Variants in EFCAB6 observed in about 807,000 individuals in gnomAD.
The protein encoded by EFCAB6 is EF-hand calcium-binding domain-containing protein 6.
A neutral mutation model predicts 169.8 loss-of-function variants in EFCAB6; 156 were observed. That is an observed-to-expected ratio of 0.92 (90% CI 0.81 to 1.05). The LOEUF (loss-of-function observed/expected upper bound fraction) is 1.05. Ranked by LOEUF, EFCAB6 falls within the 50% of genes least tolerant of loss-of-function variation. EFCAB6 has a pLI of 0.00. For synonymous variants in EFCAB6, 698 were observed against 676.4 expected (o/e 1.03, Z -0.50); for missense variants, 1,800 against 1,829.1 (o/e 0.98, Z 0.29).
At chr22:43,727,448 A>C (rs755903013) in intron 8 of EFCAB6, among the ~76,000 whole-genome samples, 1 of 152,206 alleles carries the variant, frequency 6.6e-6, no homozygotes, top group Non-Finnish European at 1.5e-5. Context: ...AAAAATTTTT[A>C]AGCATTTAAA....
At chr22:43,643,154 C>A (rs1374929787) in intron 17 of EFCAB6, among the ~76,000 whole-genome samples, 2 of 152,322 alleles carry the variant, frequency 1.3e-5, no homozygotes, top group African/African-American at 2.4e-5. Flanking sequence ...GGGGCCGCCC[C>A]AGGACTGAAT....
intron 8 of EFCAB6, among the ~76,000 whole-genome samples, chr22:43,724,313 A>T (rs1389349192): frequency 2.0e-5 from 3 of 150,636 alleles, no homozygotes; most frequent in Admixed American, 1.3e-4. Context: ...CCTCATTTCC[A>T]TCTCAGACCT....
chr22:43,578,089 C>T (rs896409289), intron 25 of EFCAB6, among the ~76,000 whole-genome samples: 18 of 152,094 alleles, frequency 1.2e-4, no homozygotes, highest in Admixed American at 9.2e-4. Flanking sequence ...TTCAAACCAC[C>T]TGGATTTGGA....
At chr22:43,540,567 T>C (rs2047655015) in intron 27 of EFCAB6, 1 of 1,509,844 alleles carries the variant, frequency 6.6e-7, no homozygotes, top group Non-Finnish European at 8.8e-7. Flanking sequence ...GACAAGAGGA[T>C]TATTCATGGC....
At chr22:43,747,931 T>C (rs558989523) in intron 6 of EFCAB6, among the ~76,000 whole-genome samples, 3 of 152,344 alleles carry the variant, frequency 2.0e-5, no homozygotes, top group Admixed American at 6.5e-5. Flanking sequence ...CTAGGTGATA[T>C]ACCGCCCAAT....
intron 19 of EFCAB6, among the ~76,000 whole-genome samples, chr22:43,631,012 A>G (rs1220455535): frequency 6.6e-6 from 1 of 152,036 alleles, no homozygotes; most frequent in Non-Finnish European, 1.5e-5. Flanking sequence ...GGCATGTGGA[A>G]ACGGGAGCCT....
chr22:43,722,611 T>C (rs2059576512), intron 8 of EFCAB6, among the ~76,000 whole-genome samples: 1 of 151,728 alleles, frequency 6.6e-6, no homozygotes, highest in African/African-American at 2.4e-5. Flanking sequence ...TTGGTGGGAA[T>C]GTAAATCAGT....
intron 12 of EFCAB6, among the ~76,000 whole-genome samples, chr22:43,681,615 AAT>A (rs2058009708): frequency 2.0e-5 from 3 of 152,180 alleles, no homozygotes. Context: ...GATTTTTTAA[AAT>A]GTTATTAGAA....
chr22:43,644,377 C>G (rs1309578140), intron 17 of EFCAB6, among the ~76,000 whole-genome samples: 2 of 152,062 alleles, frequency 1.3e-5, no homozygotes, highest in African/African-American at 2.4e-5. Flanking sequence ...GCTCTGCAGC[C>G]CTTTCGAGCT....
intron 13 of EFCAB6, 73 bp from the exon 14 acceptor site, chr22:43,672,378 A>T (rs2057531992): frequency 6.6e-7 from 1 of 1,516,202 alleles, no homozygotes; most frequent in African/African-American, 1.4e-5. Context: ...AGGCAGGTGG[A>T]CCTGGACTGG....
intron 27 of EFCAB6, among the ~76,000 whole-genome samples, chr22:43,547,244 G>A (rs1411217889): frequency 1.3e-5 from 2 of 152,104 alleles, no homozygotes; most frequent in African/African-American, 2.4e-5. Flanking sequence ...CAGTAGGGCC[G>A]GGAAAGCTGC....
At chr22:43,609,613 T>C (rs992006120) in intron 21 of EFCAB6, among the ~76,000 whole-genome samples, 9 of 152,196 alleles carry the variant, frequency 5.9e-5, no homozygotes, top group Non-Finnish European at 8.8e-5. Flanking sequence ...ACATCCTTTA[T>C]ACAGAAAAGT....
intron 20 of EFCAB6, among the ~76,000 whole-genome samples, chr22:43,624,934 G>T (rs1050218244): frequency 1.3e-5 from 2 of 152,174 alleles, no homozygotes; most frequent in Non-Finnish European, 2.9e-5. Flanking sequence ...TTTCTCCAGA[G>T]AATTTTTTGG....
chr22:43,561,366 A>AAAAG (rs1050374880), intron 26 of EFCAB6, among the ~76,000 whole-genome samples: 30 of 151,878 alleles, frequency 2.0e-4, no homozygotes, highest in Middle Eastern at 3.4e-3. Context: ...CAAAAAAAAA[A>AAAAG]AAAGAAAGAA....
At chr22:43,736,224 ATC>A (rs2147675049) in intron 6 of EFCAB6, among the ~76,000 whole-genome samples, 1 of 152,312 alleles carries the variant, frequency 6.6e-6, no homozygotes, top group Admixed American at 6.5e-5. Flanking sequence ...TTTAAAAAAA[ATC>A]TCTTTCTCAT....
At chr22:43,604,834 C>T (rs2052794735) in intron 22 of EFCAB6, among the ~76,000 whole-genome samples, 1 of 152,148 alleles carries the variant, frequency 6.6e-6, no homozygotes, top group South Asian at 2.1e-4. Flanking sequence ...CATTAATTAT[C>T]TTGCAAACTT....
intron 30 of EFCAB6, among the ~76,000 whole-genome samples, chr22:43,532,377 A>T (rs996274768): frequency 6.6e-6 from 1 of 152,138 alleles, no homozygotes; most frequent in Non-Finnish European, 1.5e-5. Flanking sequence ...AAGCCCGTGC[A>T]CGTCCTAGCA....
At chr22:43,804,148 A>C (rs1056161451) in intron 2 of EFCAB6, among the ~76,000 whole-genome samples, 36 of 152,224 alleles carry the variant, frequency 2.4e-4, no homozygotes, top group Non-Finnish European at 4.7e-4. Context: ...ATGGAATAAA[A>C]CTATAAATCA....
At chr22:43,657,900 A>G (rs1291384385) in intron 17 of EFCAB6, among the ~76,000 whole-genome samples, 2 of 152,198 alleles carry the variant, frequency 1.3e-5, no homozygotes, top group African/African-American at 4.8e-5. Context: ...TAAAACAACC[A>G]GAAAAGCCCA....
Sources: gnomAD v4.1 joint callset for allele counts (sites outside exome capture counted in the v4.1 genomes callset) on GRCh38, gnomAD v4.1.1 for gene constraint, MANE v1.5 for transcripts, NCBI Gene and HGNC (gene_info 2026-07-23, HGNC 2026-07-21) for gene names.